Variants in ACAD8 observed in about 807,000 individuals in gnomAD.
The protein encoded by ACAD8 is isobutyryl-CoA dehydrogenase, mitochondrial.
In ACAD8, 47 loss-of-function variants were observed where a neutral mutation model predicts 53.1. The ratio of observed to expected loss-of-function variants is 0.89; its 90% CI spans 0.70 to 1.13. The LOEUF is 1.13. ACAD8 is among the 50% of genes most tolerant of loss of function. The pLI, the probability that ACAD8 is intolerant of heterozygous loss-of-function variation, is 0.00. For synonymous variants in ACAD8, 198 were observed against 201.3 expected (o/e 0.98, Z 0.14); for missense variants, 494 against 535.0 (o/e 0.92, Z 0.76).
chr11:134,262,276 G>C, intron 9 of ACAD8: 1 of 661,078 alleles, frequency 1.5e-6, no homozygotes, highest in Non-Finnish European at 2.8e-6. Flanking sequence ...CTGCCTGGCA[G>C]GTAATAAGGG....
chr11:134,257,708 T>C (rs1412425582), intron 3 of ACAD8: 1 of 253,110 alleles, frequency 4.0e-6, no homozygotes, highest in East Asian at 9.9e-5. Flanking sequence ...ACACGCTAGG[T>C]CTGTTGCTGC....
At chr11:134,257,399 C>T (rs1395147521) in intron 3 of ACAD8, 142 bp downstream of exon 3, 13 of 1,077,124 alleles carry the variant, frequency 1.2e-5, no homozygotes, top group Admixed American at 6.1e-5. Flanking sequence ...AGGGGCCGGG[C>T]GCAGTGGCTC....
chr11:134,261,497 A>G lies in ACAD8; in HGVS notation c.939+125A>G. 2.7e-6 allele frequency: 4 copies of G among 1,503,336 alleles called. No homozygotes were observed. Among genetic ancestry groups the G allele is most frequent in the Non-Finnish European group, 3.7e-6 (4 of 1,094,990 alleles). 93.1% of individuals were successfully genotyped at this position (1,503,336 alleles called of 1,614,324 possible). On this transcript the variant is annotated intron_variant, in intron 8 of 10. Transcript: ENST00000281182. The surrounding 1 kb of genome is among the most constrained non-coding windows in gnomAD (Gnocchi z 4.2). ...TCAGTCCCACCACTGTCCTAGCCAG[A>G]GCTTGTGCTTTATTTCTGTCCATCT...
chr11:134,257,365 G>A lies in ACAD8; in HGVS notation c.380+108G>A, dbSNP rs2136076730. The stretch of plus-strand genomic sequence containing the variant: ...TCTTTTGAAGCTGAGTGTCCTCAAG[G>A]AACTGGACTTAAAAGTACACTCTAG... On this transcript the variant is annotated intron_variant, in intron 3 of 10. Coordinates refer to ENST00000281182, the MANE Select transcript of ACAD8 (RefSeq NM_014384.3). The A allele has an allele frequency of 3.6e-6, 5 of 1,403,296 alleles. No individual in the cohort carries two copies. In the South Asian group the frequency reaches 4.8e-5, roughly 13 times the overall value. 86.9% of individuals were successfully genotyped at this position (1,403,296 alleles called of 1,614,324 possible). A position where few individuals can be genotyped will look rare whatever the true frequency, so the allele number is the denominator to read the frequency against.
rs886048026 is a variant in ACAD8, at chr11:134,265,198, G to C, written c.*238G>C. On this transcript the variant is annotated 3_prime_UTR_variant, in exon 11 of 11. Coordinates refer to ENST00000281182, the MANE Select transcript of ACAD8 (RefSeq NM_014384.3). Reference sequence around the variant, plus strand: ...ACATCAGAAGAACACATACTACCTTGTTTTCCTAATGCCAGAAGGGTGACC... The same window carrying C: ...ACATCAGAAGAACACATACTACCTTCTTTTCCTAATGCCAGAAGGGTGACC... The C allele has an allele frequency of 5.9e-5, 34 of 572,476 alleles. No homozygotes were observed. The highest frequency in any genetic ancestry group is 1.0e-4 in the Non-Finnish European group (33 of 321,936). 35.5% of individuals were successfully genotyped at this position (572,476 alleles called of 1,614,324 possible). A position where few individuals can be genotyped will look rare whatever the true frequency, so the allele number is the denominator to read the frequency against.
At chr11:134,262,914 C>T (rs997923344) in intron 10 of ACAD8, 14 of 1,320,308 alleles carry the variant, frequency 1.1e-5, no homozygotes, top group African/African-American at 7.4e-5. Context: ...TGTTGAAAAC[C>T]ACAGCCGGGG....
Position 134,264,921 on chromosome 11 carries a change from G to A in ACAD8, c.1209G>A (p.Val403=). 1 of 1,614,208 alleles carries A rather than the reference G, an allele frequency of 6.2e-7. No homozygotes were observed. The highest frequency in any genetic ancestry group is 8.5e-7 in the Non-Finnish European group (1 of 1,180,024). ...TCCCTCTTACAGGTAGCAATGAAGT[G>A]ATGAGGATACTGATCTCTAGAAGCC... The part of the protein sequence containing the change: ...VHQILEGSNE[V]MRILISRSLL... Residue 403 remains valine (V), a synonymous_variant, in exon 11 of 11, where the codon GTG becomes GTA. Transcript: ENST00000281182.
intron 10 of ACAD8, 123 bp downstream of exon 10, chr11:134,262,745 C>A (rs1249881563): frequency 1.3e-6 from 2 of 1,507,628 alleles, no homozygotes; most frequent in East Asian, 5.1e-5. Context: ...TGTCTCGAGG[C>A]TTCCTCCTCC....
At position 134,257,127 on chromosome 11, in the gene ACAD8, C is replaced by G. The variant is rs1330918776; in HGVS notation, c.250C>G (p.Leu84Val). 1 of 1,614,062 alleles carries G rather than the reference C, an allele frequency of 6.2e-7. No individual in the cohort carries two copies. The highest frequency in any genetic ancestry group is 1.7e-5 in the Admixed American group (1 of 60,004). Residue 84 changes from leucine to valine, a missense_variant, in exon 3 of 11, where the codon CTA becomes GTA. Leu to Val is a conservative substitution (Grantham distance 32). Transcript: ENST00000281182. ...PVDVMRKAAQ[L>V]GFGGVYIQTD... ...GGATGTGATGCGGAAGGCAGCCCAG[C>G]TAGGCTTCGGAGGGGTCTACATACA... is the stretch of plus-strand genomic sequence containing the variant.
chr11:134,262,055 C>G (rs1205254926), intron 9 of ACAD8, 165 bp downstream of exon 9: 2 of 817,430 alleles, frequency 2.4e-6, no homozygotes, highest in African/African-American at 1.7e-5. Flanking sequence ...TATGTGGGAG[C>G]TCTCATCGCT....
intron 5 of ACAD8, chr11:134,259,341 C>T (rs1370556931): frequency 6.0e-6 from 4 of 668,498 alleles, no homozygotes; most frequent in South Asian, 3.5e-5. Flanking sequence ...GTCACTGCAG[C>T]GACCTTTTAC....
chr11:134,256,997 T>G, intron 2 of ACAD8, 91 bp from the exon 3 acceptor site: 1 of 1,332,740 alleles, frequency 7.5e-7, no homozygotes, highest in Non-Finnish European at 1.1e-6. Flanking sequence ...CGCTGTCGCA[T>G]GTGCAAGCCT....
intron 1 of ACAD8, among the ~76,000 whole-genome samples, chr11:134,254,354 G>C (rs1453567037): frequency 2.0e-5 from 3 of 152,164 alleles, no homozygotes; most frequent in Non-Finnish European, 2.9e-5. Context: ...TTGCCAGTGG[G>C]AAACTCTACC....
At chr11:134,262,080 C>A in intron 9 of ACAD8, 190 bp downstream of exon 9, 1 of 716,700 alleles carries the variant, frequency 1.4e-6, no homozygotes, top group Non-Finnish European at 2.5e-6. Flanking sequence ...TTTAGGCCTG[C>A]TGCATGCCAT....
In ACAD8 at chr11:134,257,247, A is replaced by G. The variant is rs1266898337; in HGVS notation, c.370A>G (p.Ser124Gly). 1.2e-6 allele frequency: 2 copies of G among 1,614,092 alleles called. No homozygotes were observed. Among genetic ancestry groups the G allele is most frequent in the African/African-American group, 1.3e-5 (1 of 74,934 alleles). Residue 124 changes from serine (S) to glycine (G), a missense_variant, in exon 3 of 11, where the codon AGC becomes GGC. By Grantham distance (56) the Ser-to-Gly change is moderately conservative. Coordinates refer to ENST00000281182, the MANE Select transcript of ACAD8 (RefSeq NM_014384.3). ...CTGCACCAGCACCACAGCCTATATA[A>G]GCATCCACAAGTGAGTGCCCAAGCT... ...TGCTSTTAYI[S>G]IHNMCAWMID...
chr11:134,253,728 G>T lies in ACAD8; in HGVS notation c.109+19G>T, dbSNP rs1466466553. 2 of 1,574,746 alleles carry T rather than the reference G, an allele frequency of 1.3e-6. No homozygotes were observed. Among genetic ancestry groups the T allele is most frequent in the Admixed American group, 1.8e-5 (1 of 54,462 alleles). On this transcript the variant is annotated intron_variant, in intron 1 of 10. Transcript: ENST00000281182. ...ATCGACCGTAAGGATCTCCTGGCGG[G>T]CAGTAGGACAGGTGTCCAGAACCCC...
chr11:134,258,452 C>A, intron 3 of ACAD8, 63 bp from the exon 4 acceptor site: 1 of 1,134,638 alleles, frequency 8.8e-7, no homozygotes. Flanking sequence ...CCTTCTCCCC[C>A]ATTTTTTTTT....
rs1474430071 is a variant in ACAD8, at chr11:134,262,579, TCAG to T, written c.1156_1158del (p.Gln386del). On this transcript the variant is annotated inframe_deletion, in exon 10 of 11. Coordinates refer to ENST00000281182, the MANE Select transcript of ACAD8 (RefSeq NM_014384.3). ...ACGGCTACCTGAAGGATTACGCTGT[TCAG>T]CAGTACGTGCGGGACTCCAGGGTCC... The T allele has an allele frequency of 1.2e-6, 2 of 1,614,100 alleles. No individual in the cohort carries two copies. The highest frequency in any genetic ancestry group is 4.5e-5 in the East Asian group (2 of 44,870).
At chr11:134,262,026 A>C (rs1939911470) in intron 9 of ACAD8, 136 bp downstream of exon 9, 2 of 1,108,896 alleles carry the variant, frequency 1.8e-6, no homozygotes, top group Non-Finnish European at 2.6e-6. Flanking sequence ...TAAGGATATA[A>C]ATGAACTCAT....
Sources: gnomAD v4.1 joint callset for allele counts (sites outside exome capture counted in the v4.1 genomes callset) on GRCh38, gnomAD v4.1.1 for gene constraint, Gnocchi (gnomAD v3.1) non-coding constraint, MANE v1.5 for transcripts, NCBI Gene and HGNC (gene_info 2026-07-23, HGNC 2026-07-21) for gene names.